SLC4A10: variants seen among roughly 807,000 people sequenced by gnomAD.
SLC4A10 encodes the protein sodium-driven chloride bicarbonate exchanger.
SLC4A10 carries 42 observed loss-of-function variants against 137.7 expected under a neutral mutation model. The observed-to-expected ratio is 0.30, with a 90% CI of 0.24 to 0.39. The LOEUF (loss-of-function observed/expected upper bound fraction) is 0.39. Among genes scored for constraint, SLC4A10 ranks in the 10% least tolerant of loss-of-function variants. SLC4A10 has a pLI of 1.00. For synonymous variants in SLC4A10, 474 were observed against 464.1 expected (o/e 1.02, Z -0.27); for missense variants, 925 against 1,355.0 (o/e 0.68, Z 4.98).
intron 3 of SLC4A10, among the ~76,000 whole-genome samples, chr2:161,813,218 TTC>T (rs1009461003): frequency 5.9e-5 from 9 of 152,128 alleles, no homozygotes; most frequent in African/African-American, 2.2e-4. Flanking sequence ...TTTCCTTTTT[TTC>T]TCATTTTTAA....
chr2:161,775,901 AG>A (rs1213078443), intron 2 of SLC4A10, among the ~76,000 whole-genome samples: 2 of 151,902 alleles, frequency 1.3e-5, no homozygotes, highest in African/African-American at 2.4e-5. Flanking sequence ...GATCATAAAG[AG>A]AAGAAAATTT....
chr2:161,739,370 T>C (rs983291214), intron 1 of SLC4A10, among the ~76,000 whole-genome samples: 3 of 152,138 alleles, frequency 2.0e-5, no homozygotes, highest in African/African-American at 4.8e-5. Flanking sequence ...GGCCAACCAA[T>C]GTTTTAATTT....
chr2:161,630,675 A>G (rs2033373948), intron 1 of SLC4A10, among the ~76,000 whole-genome samples: 1 of 151,764 alleles, frequency 6.6e-6, no homozygotes, highest in Non-Finnish European at 1.5e-5. Flanking sequence ...CATAGCATCA[A>G]CGGCTGAGTT....
intron 1 of SLC4A10, among the ~76,000 whole-genome samples, chr2:161,698,117 T>C (rs1157939268): frequency 6.6e-6 from 1 of 152,224 alleles, no homozygotes; most frequent in Non-Finnish European, 1.5e-5. Context: ...TTGTCTGTTA[T>C]TGGTGTATAA....
intron 2 of SLC4A10, among the ~76,000 whole-genome samples, chr2:161,783,074 GCAA>G (rs1160886631): frequency 6.6e-6 from 1 of 151,876 alleles, no homozygotes; most frequent in African/African-American, 2.4e-5. Flanking sequence ...AAGAGAAAAA[GCAA>G]CAAGGGAAAA....
intron 15 of SLC4A10, among the ~76,000 whole-genome samples, chr2:161,927,024 A>G (rs1346038217): frequency 6.6e-6 from 1 of 152,050 alleles, no homozygotes; most frequent in African/African-American, 2.4e-5. Flanking sequence ...GGTGAATCTG[A>G]AAATTATGTG....
At chr2:161,718,903 TG>T (rs2045279588) in intron 1 of SLC4A10, among the ~76,000 whole-genome samples, 9 of 152,166 alleles carry the variant, frequency 5.9e-5, no homozygotes, top group Admixed American at 5.9e-4. Context: ...TATCTCCCAC[TG>T]TTTTTTTTAT....
intron 1 of SLC4A10, among the ~76,000 whole-genome samples, chr2:161,647,026 A>G (rs1267250698): frequency 1.3e-5 from 2 of 152,014 alleles, no homozygotes; most frequent in Non-Finnish European, 2.9e-5. Flanking sequence ...TTCAGTGCTT[A>G]GAGATTTTAG....
intron 19 of SLC4A10, among the ~76,000 whole-genome samples, chr2:161,951,747 T>C (rs564217169): frequency 1.6e-4 from 24 of 152,260 alleles, no homozygotes; most frequent in Non-Finnish European, 1.5e-4. Flanking sequence ...AAAATATCTC[T>C]GATTAAACTC....
intron 19 of SLC4A10, among the ~76,000 whole-genome samples, chr2:161,955,939 CA>C (rs1695581261): frequency 6.6e-6 from 1 of 152,038 alleles, no homozygotes; most frequent in Admixed American, 6.5e-5. Flanking sequence ...ATTTTATTTT[CA>C]AAAAAGTCAA....
At chr2:161,884,616 T>A (rs2062078624) in intron 10 of SLC4A10, among the ~76,000 whole-genome samples, 1 of 152,178 alleles carries the variant, frequency 6.6e-6, no homozygotes, top group Non-Finnish European at 1.5e-5. Context: ...CAGTCATCTA[T>A]TTTTTCAATT....
intron 5 of SLC4A10, among the ~76,000 whole-genome samples, chr2:161,861,790 A>C (rs1478860125): frequency 1.3e-5 from 2 of 152,218 alleles, no homozygotes; most frequent in African/African-American, 2.4e-5. Flanking sequence ...TTTACAAATA[A>C]GGACACTTAG....
intron 1 of SLC4A10, among the ~76,000 whole-genome samples, chr2:161,624,970 C>T (rs1218749113): frequency 1.1e-4 from 17 of 152,008 alleles, no homozygotes; most frequent in Non-Finnish European, 1.5e-5. Context: ...TTTCCTCCCC[C>T]TGCCTCATCC....
At chr2:161,899,619 A>T (rs918253625) in intron 11 of SLC4A10, among the ~76,000 whole-genome samples, 1 of 152,080 alleles carries the variant, frequency 6.6e-6, no homozygotes, top group Non-Finnish European at 1.5e-5. Flanking sequence ...TTGTCATTAT[A>T]AAATAGAGTT....
intron 3 of SLC4A10, among the ~76,000 whole-genome samples, chr2:161,815,349 A>G (rs895148023): frequency 6.6e-6 from 1 of 152,080 alleles, no homozygotes; most frequent in African/African-American, 2.4e-5. Context: ...AAGGATTTAT[A>G]AGGCAGTGTT....
At chr2:161,670,749 G>A (rs1455724960) in intron 1 of SLC4A10, among the ~76,000 whole-genome samples, 1 of 151,916 alleles carries the variant, frequency 6.6e-6, no homozygotes, top group African/African-American at 2.4e-5. Flanking sequence ...GAACATGTCT[G>A]TCTCCATACT....
At chr2:161,642,582 T>C (rs1290043390) in intron 1 of SLC4A10, among the ~76,000 whole-genome samples, 1 of 152,014 alleles carries the variant, frequency 6.6e-6, no homozygotes, top group Non-Finnish European at 1.5e-5. Context: ...TATTAATGAA[T>C]CTTAAATTTT....
At chr2:161,753,145 T>C (rs1257864657) in intron 1 of SLC4A10, among the ~76,000 whole-genome samples, 1 of 152,130 alleles carries the variant, frequency 6.6e-6, no homozygotes, top group Non-Finnish European at 1.5e-5. Context: ...CAATTCATAA[T>C]CTTTGCTCAT....
intron 15 of SLC4A10, among the ~76,000 whole-genome samples, chr2:161,907,267 G>T (rs916684373): frequency 6.6e-6 from 1 of 152,146 alleles, no homozygotes; most frequent in Non-Finnish European, 1.5e-5. Flanking sequence ...GCTAAGAAAG[G>T]ACTGAGCATA....
Sources: gnomAD v4.1 joint callset for allele counts (sites outside exome capture counted in the v4.1 genomes callset) on GRCh38, gnomAD v4.1.1 for gene constraint, MANE v1.5 for transcripts, NCBI Gene and HGNC (gene_info 2026-07-23, HGNC 2026-07-21) for gene names.